The following TEX19 variants were observed in gnomAD, a reference collection of about 807,000 sequenced individuals.
The protein encoded by TEX19 is testis expressed 19.
For synonymous variants in TEX19, 77 were observed against 73.9 expected, an observed-to-expected ratio of 1.04 and a Z score of -0.21; for missense variants, 184 against 194.4, an observed-to-expected ratio of 0.95 and a Z score of 0.32.
rs961584948 is a variant in TEX19 at position 82,362,738 on chromosome 17, C to CTAGT, written c.*96_*99dup. 9.1e-5 allele frequency: 132 copies of CTAGT among 1,447,358 alleles called. No homozygotes were observed. The African/African-American group carries it at 1.7e-3, about 18-fold the overall frequency. The allele number at this position is 1,447,358 out of a possible 1,614,324, so 89.7% of individuals were successfully genotyped here. ...CAGTGGACCCTGCCGAGGCTGAGGC[C>CTAGT]TAGTTACTGGCCCTGCAGCTTGTCT... On this transcript the variant is annotated 3_prime_UTR_variant, in exon 2 of 2. Transcript: ENST00000333437. The surrounding 1 kb of genome is among the most constrained non-coding windows in gnomAD (Gnocchi z 5.5).
Position 82,361,927 on chromosome 17 carries a change from G to A in TEX19, c.-224G>A, listed in dbSNP as rs1477546912. The A allele has an allele frequency of 2.6e-6, 2 of 754,950 alleles. No individual in the cohort carries two copies. 46.8% of individuals were successfully genotyped at this position (754,950 alleles called of 1,614,324 possible). ...GCAGAAGCTGAAGACATTTCCAGAA[G>A]TTCAAGCTTCCACCCTCTGCAGGTC... On this transcript the variant is annotated 5_prime_UTR_variant, in exon 2 of 2. Coordinates refer to ENST00000333437, the MANE Select transcript of TEX19 (RefSeq NM_207459.4).
At chr17:82,361,687 G>T (rs992590706) in intron 1 of TEX19, 193 bp from the exon 2 acceptor site, 1 of 985,254 alleles carries the variant, frequency 1.0e-6, no homozygotes, top group African/African-American at 1.7e-5. Context: ...TGAGGTGTAG[G>T]GGGTGGCTGA....
Position 82,362,008 on chromosome 17 carries a change from C to T in TEX19, c.-143C>T. The T allele has an allele frequency of 8.7e-7, 1 of 1,155,642 alleles. No individual in the cohort carries two copies. Among genetic ancestry groups the T allele is most frequent in the Non-Finnish European group, 1.2e-6 (1 of 827,134 alleles). 71.6% of individuals were successfully genotyped at this position (1,155,642 alleles called of 1,614,324 possible). On this transcript the variant is annotated 5_prime_UTR_variant, in exon 2 of 2. Transcript: ENST00000333437. This position sits in a 1 kb window ranked among gnomAD's most constrained non-coding sequence, Gnocchi z 5.5. Reference sequence around the variant, plus strand: ...CCACCCCAAATCCCTGGATAGGAAACCCCTTTCTCCTCCTGCTCCTTGTCC... The same window carrying T: ...CCACCCCAAATCCCTGGATAGGAAATCCCTTTCTCCTCCTGCTCCTTGTCC...
chr17:82,361,195 T>C (rs1292244384), intron 1 of TEX19, among the ~76,000 whole-genome samples: 4 of 85,278 alleles, frequency 4.7e-5, no homozygotes, highest in Admixed American at 1.1e-4. Context: ...TCAGGTTCCC[T>C]CAGTTTCCCC....
In TEX19 at chr17:82,362,246, C is replaced by T. The variant is rs1033196126; in HGVS notation, c.96C>T (p.Ser32=). ...MYQLQHGDQL[S]ICFTCFKAAF... The stretch of plus-strand genomic sequence containing the variant: ...AGCTTCAACATGGAGATCAGCTAAG[C>T]ATTTGCTTCACCTGCTTCAAGGCTG... Residue 32 remains serine (S), a synonymous_variant, in exon 2 of 2, where the codon AGC becomes AGT. Coordinates refer to ENST00000333437, the MANE Select transcript of TEX19 (RefSeq NM_207459.4). The surrounding 1 kb of genome is among the most constrained non-coding windows in gnomAD (Gnocchi z 5.5). The T allele has an allele frequency of 1.9e-6, 3 of 1,613,898 alleles. No individual in the cohort carries two copies. The highest frequency in any genetic ancestry group is 2.5e-6 in the Non-Finnish European group (3 of 1,180,038).
rs900845580 is a variant in TEX19, at chr17:82,361,920, T to C, written c.-231T>C. On this transcript the variant is annotated 5_prime_UTR_variant, in exon 2 of 2. Transcript: ENST00000333437. The stretch of plus-strand genomic sequence containing the variant: ...AGCAACTGCAGAAGCTGAAGACATT[T>C]CCAGAAGTTCAAGCTTCCACCCTCT... 2 of 748,516 alleles carry C rather than the reference T, an allele frequency of 2.7e-6. No homozygotes were observed. Among genetic ancestry groups the C allele is most frequent in the Non-Finnish European group, 4.0e-6 (2 of 502,068 alleles). The allele number at this position is 748,516 out of a possible 1,614,324, so 46.4% of individuals were successfully genotyped here.
chr17:82,359,477 GGTT>G (rs2052356906), intron 1 of TEX19, among the ~76,000 whole-genome samples, 192 bp downstream of exon 1: 1 of 144,718 alleles, frequency 6.9e-6, no homozygotes, highest in Non-Finnish European at 1.5e-5. Context: ...GTTTCCCTCA[GGTT>G]CCCTCAGTTT....
At position 82,362,730 on chromosome 17, in the gene TEX19, G is replaced by A; in HGVS notation, c.*85G>A. ...TACCTGGGCAGTGGACCCTGCCGAG[G>A]CTGAGGCCTAGTTACTGGCCCTGCA... On this transcript the variant is annotated 3_prime_UTR_variant, in exon 2 of 2. Coordinates refer to ENST00000333437, the MANE Select transcript of TEX19 (RefSeq NM_207459.4). This position sits in a 1 kb window ranked among gnomAD's most constrained non-coding sequence, Gnocchi z 5.5. The A allele has an allele frequency of 6.8e-7, 1 of 1,480,748 alleles. No individual in the cohort carries two copies. The highest frequency in any genetic ancestry group is 2.3e-5 in the East Asian group (1 of 43,058). The allele number at this position is 1,480,748 out of a possible 1,614,324, so 91.7% of individuals were successfully genotyped here.
rs757044849 is a variant in TEX19, at chr17:82,362,429, G to T, written c.279G>T (p.Gly93=). 3 of 1,612,876 alleles carry T rather than the reference G, an allele frequency of 1.9e-6. No homozygotes were observed. Among genetic ancestry groups the T allele is most frequent in the Non-Finnish European group, 2.5e-6 (3 of 1,179,866 alleles). ...AGAGCCCAGGACAGCCTGTGCAGGG[G>T]GGCTCTGAGGCATGGGGGCCAGGGA... ...WGQSPGQPVQ[G]GSEAWGPGTL... The change falls in exon 2 of 2, where the codon GGG becomes GGT. Residue 93 remains glycine (G), a synonymous_variant. Transcript: ENST00000333437. The surrounding 1 kb of genome is among the most constrained non-coding windows in gnomAD (Gnocchi z 5.5).
rs2052403740 is a variant in TEX19 at position 82,362,485 on chromosome 17, A to G, written c.335A>G (p.Asp112Gly). Reference sequence around the variant, plus strand: ...GCAGCAGCCCCAGAAGGGTTGGAAGATGCAGGTCTGGACCCCCACTTTGTC... The same window carrying G: ...GCAGCAGCCCCAGAAGGGTTGGAAGGTGCAGGTCTGGACCCCCACTTTGTC... Reference protein sequence around the residue: ...TLAAAPEGLEDAGLDPHFVPT... With the variant: ...TLAAAPEGLEGAGLDPHFVPT... Residue 112 changes from aspartate to glycine, a missense_variant, in exon 2 of 2, where the codon GAT becomes GGT. Transcript: ENST00000333437. This position sits in a 1 kb window ranked among gnomAD's most constrained non-coding sequence, Gnocchi z 5.5. The G allele has an allele frequency of 1.2e-6, 2 of 1,612,774 alleles. No individual in the cohort carries two copies. Among genetic ancestry groups the G allele is most frequent in the Non-Finnish European group, 1.7e-6 (2 of 1,179,938 alleles).
rs765491659 is a variant in TEX19 at position 82,362,234 on chromosome 17, A to C, written c.84A>C (p.Gly28=). Residue 28 remains glycine, a synonymous_variant, in exon 2 of 2, where the codon GGA becomes GGC. Transcript: ENST00000333437. The surrounding 1 kb of genome is among the most constrained non-coding windows in gnomAD (Gnocchi z 5.5). ...CCTGGATGTATCAGCTTCAACATGG[A>C]GATCAGCTAAGCATTTGCTTCACCT... is the stretch of plus-strand genomic sequence containing the variant. ...YASWMYQLQH[G]DQLSICFTCF... is the part of the protein sequence containing the mutation. 1 of 1,613,958 alleles carries C rather than the reference A, an allele frequency of 6.2e-7. No individual in the cohort carries two copies. The highest frequency in any genetic ancestry group is 1.7e-5 in the Admixed American group (1 of 60,034).
Position 82,362,721 on chromosome 17 carries a change from C to G in TEX19, c.*76C>G. 6.7e-7 allele frequency: 1 copy of G among 1,493,222 alleles called. No homozygotes were observed. The highest frequency in any genetic ancestry group is 8.9e-7 in the Non-Finnish European group (1 of 1,119,808). 92.5% of individuals were successfully genotyped at this position (1,493,222 alleles called of 1,614,324 possible). ...GCTGGGCATTACCTGGGCAGTGGAC[C>G]CTGCCGAGGCTGAGGCCTAGTTACT... On this transcript the variant is annotated 3_prime_UTR_variant, in exon 2 of 2. Transcript: ENST00000333437. The surrounding 1 kb of genome is among the most constrained non-coding windows in gnomAD (Gnocchi z 5.5).
At position 82,361,658 on chromosome 17, in the gene TEX19, G is replaced by A. The variant is rs1166028433; in HGVS notation, c.-271-222G>A. ...CCCCCAGGTTCTGTCAGGTGAAGCT[G>A]ATGGGCTGTTGGGGTCCCTGAGGTG... On this transcript the variant is annotated intron_variant, in intron 1 of 1. Transcript: ENST00000333437. The A allele has an allele frequency of 1.5e-5, 15 of 985,264 alleles. No individual in the cohort carries two copies. In the South Asian group the frequency reaches 6.6e-4, roughly 43 times the overall value. The allele number at this position is 985,264 out of a possible 1,614,324, so 61.0% of individuals were successfully genotyped here. A position where few individuals can be genotyped will look rare whatever the true frequency, so the allele number is the denominator to read the frequency against.
In TEX19 at chr17:82,362,404, A is replaced by G; in HGVS notation, c.254A>G (p.Gln85Arg). 6.2e-7 allele frequency: 1 copy of G among 1,613,174 alleles called. No homozygotes were observed. Among genetic ancestry groups the G allele is most frequent in the Non-Finnish European group, 8.5e-7 (1 of 1,180,012 alleles). ...GSSGMELSWG[Q>R]SPGQPVQGGS... ...TCAGGGATGGAGCTGAGCTGGGGGC[A>G]GAGCCCAGGACAGCCTGTGCAGGGG... Residue 85 changes from glutamine to arginine, a missense_variant, in exon 2 of 2, where the codon CAG (glutamine) becomes CGG (arginine). Gln to Arg is a conservative substitution (Grantham distance 43). Transcript: ENST00000333437. The surrounding 1 kb of genome is among the most constrained non-coding windows in gnomAD (Gnocchi z 5.5).
chr17:82,361,888 A>G lies in TEX19; in HGVS notation c.-263A>G. ...TTCCTTTGCCTTTCCAGCTCTCCTG[A>G]GACCACAGCAACTGCAGAAGCTGAA... On this transcript the variant is annotated 5_prime_UTR_variant, in exon 2 of 2. An upstream open reading frame in the 5' UTR loses its in-frame stop. Coordinates refer to ENST00000333437, the MANE Select transcript of TEX19 (RefSeq NM_207459.4). 1.3e-6 allele frequency: 1 copy of G among 743,402 alleles called. No individual in the cohort carries two copies. Among genetic ancestry groups the G allele is most frequent in the Non-Finnish European group, 1.9e-6 (1 of 518,240 alleles). The allele number at this position is 743,402 out of a possible 1,614,324, so 46.1% of individuals were successfully genotyped here.
chr17:82,361,887 G>A lies in TEX19; in HGVS notation c.-264G>A. 1.3e-6 allele frequency: 1 copy of A among 754,038 alleles called. No individual in the cohort carries two copies. The highest frequency in any genetic ancestry group is 3.8e-5 in the East Asian group (1 of 26,444). The allele number at this position is 754,038 out of a possible 1,614,324, so 46.7% of individuals were successfully genotyped here. On this transcript the variant is annotated 5_prime_UTR_variant, in exon 2 of 2. The change abolishes the stop of an existing upstream ORF in the 5' untranslated region. Transcript: ENST00000333437. ...CTTCCTTTGCCTTTCCAGCTCTCCT[G>A]AGACCACAGCAACTGCAGAAGCTGA...
At position 82,362,508 on chromosome 17, in the gene TEX19, G is replaced by T; in HGVS notation, c.358G>T (p.Val120Phe). 1 of 1,612,956 alleles carries T rather than the reference G, an allele frequency of 6.2e-7. No individual in the cohort carries two copies. Among genetic ancestry groups the T allele is most frequent in the South Asian group, 1.1e-5 (1 of 91,076 alleles). ...AGATGCAGGTCTGGACCCCCACTTT[G>T]TCCCCACTGAACTATGGCCTCAGGA... The part of the protein sequence containing the change: ...LEDAGLDPHF[V>F]PTELWPQEAV... Residue 120 changes from valine to phenylalanine, a missense_variant, in exon 2 of 2, where the codon GTC becomes TTC. Transcript: ENST00000333437. The surrounding 1 kb of genome is among the most constrained non-coding windows in gnomAD (Gnocchi z 5.5).
At chr17:82,359,546 C>A (rs1376514459) in intron 1 of TEX19, among the ~76,000 whole-genome samples, 37 of 122,594 alleles carry the variant, frequency 3.0e-4, no homozygotes, top group African/African-American at 1.1e-3. Flanking sequence ...CAGGTTCCCT[C>A]AGTTTCCCTC....
intron 1 of TEX19, among the ~76,000 whole-genome samples, chr17:82,359,781 C>CA (rs2052364644): frequency 1.6e-5 from 2 of 124,682 alleles, no homozygotes; most frequent in Admixed American, 7.9e-5. Flanking sequence ...CAGGTTCCCT[C>CA]AGTTTCCCTC....
Sources: allele counts gnomAD v4.1 joint callset (sites outside exome capture counted in the v4.1 genomes callset), GRCh38; gene constraint gnomAD v4.1.1; non-coding constraint Gnocchi (gnomAD v3.1); transcripts MANE v1.5; gene names NCBI Gene and HGNC (gene_info 2026-07-23, HGNC 2026-07-21).